CPLX2: variants seen among roughly 807,000 people sequenced by gnomAD.
CPLX2 encodes complexin 2.
A neutral mutation model predicts 16.3 loss-of-function variants in CPLX2; 5 were observed. The observed-to-expected ratio is 0.31, with a 90% CI of 0.16 to 0.64. The LOEUF (loss-of-function observed/expected upper bound fraction) is 0.64, where lower values mean the gene tolerates loss of function less well. Ranked by LOEUF, CPLX2 falls within the 30% of genes least tolerant of loss-of-function variation. The pLI is 0.79. For synonymous variants in CPLX2, 89 were observed against 73.2 expected (o/e 1.22, Z -1.10); for missense variants, 144 against 181.4 (o/e 0.79, Z 1.18).
At chr5:175,810,953 T>C (rs1011540467) in intron 2 of CPLX2, among the ~76,000 whole-genome samples, 1 of 152,230 alleles carries the variant, frequency 6.6e-6, no homozygotes, top group Non-Finnish European at 1.5e-5. Flanking sequence ...GTGTTATAGA[T>C]TCTATTCAAT....
chr5:175,814,632 C>T (rs1315665529), intron 2 of CPLX2, among the ~76,000 whole-genome samples: 1 of 152,098 alleles, frequency 6.6e-6, no homozygotes, highest in Non-Finnish European at 1.5e-5. Flanking sequence ...TGATAGCAAG[C>T]AACAGAGACT....
chr5:175,877,748 C>A (rs1257015453), intron 1 of CPLX2, among the ~76,000 whole-genome samples: 4 of 152,224 alleles, frequency 2.6e-5, no homozygotes, highest in African/African-American at 9.7e-5. Context: ...TCCCCCACCA[C>A]CTCCACTGGA....
intron 1 of CPLX2, among the ~76,000 whole-genome samples, chr5:175,799,283 C>T (rs1038398321): frequency 3.3e-5 from 5 of 151,986 alleles, no homozygotes; most frequent in Non-Finnish European, 5.9e-5. Flanking sequence ...ATTTGGAAAT[C>T]ATCAAGCCCA....
chr5:175,870,310 TG>T (rs978322076), upstream of CPLX2, among the ~76,000 whole-genome samples: 4 of 152,028 alleles, frequency 2.6e-5, no homozygotes, highest in South Asian at 2.1e-4. Flanking sequence ...CTCTGACTGG[TG>T]GGGGGGTCTC....
At chr5:175,804,592 C>T (rs1378861492) in intron 1 of CPLX2, among the ~76,000 whole-genome samples, 2 of 152,180 alleles carry the variant, frequency 1.3e-5, no homozygotes, top group Non-Finnish European at 2.9e-5. Context: ...CCTGGCTACT[C>T]AATGTGTGGT....
chr5:175,840,232 TTAA>T (rs1581086245), intron 2 of CPLX2, among the ~76,000 whole-genome samples: 1 of 152,300 alleles, frequency 6.6e-6, no homozygotes, highest in Non-Finnish European at 1.5e-5. Flanking sequence ...ACAGAAATGC[TTAA>T]TAATCACTAA....
upstream of CPLX2, among the ~76,000 whole-genome samples, chr5:175,868,278 C>T (rs887505158): frequency 4.6e-5 from 7 of 152,190 alleles, no homozygotes; most frequent in Admixed American, 2.6e-4. Flanking sequence ...AGGCACCTTA[C>T]GCAAGCTCTC....
In CPLX2 at chr5:175,881,036, G is replaced by A. The variant is rs1355139178; in HGVS notation, c.*991G>A. The A allele has an allele frequency of 1.3e-5, 2 of 152,936 alleles. No individual in the cohort carries two copies. The highest frequency in any genetic ancestry group is 2.9e-5 in the Non-Finnish European group (2 of 68,106). 9.5% of individuals were successfully genotyped at this position (152,936 alleles called of 1,614,324 possible). A position where few individuals can be genotyped will look rare whatever the true frequency, so the allele number is the denominator to read the frequency against. ...AGAAGCCAATTCCCACTTGACAGAA[G>A]GCGTCCATCCATTCATCTCATTGGC... On this transcript the variant is annotated 3_prime_UTR_variant, in exon 4 of 4. Coordinates refer to ENST00000393745, the MANE Select transcript of CPLX2 (RefSeq NM_001008220.2).
intron 2 of CPLX2, among the ~76,000 whole-genome samples, chr5:175,810,352 T>C (rs1758291344): frequency 6.6e-6 from 1 of 152,206 alleles, no homozygotes; most frequent in Non-Finnish European, 1.5e-5. Context: ...GGCTGCTGTC[T>C]GGGGTTTCCA....
intron 2 of CPLX2, among the ~76,000 whole-genome samples, chr5:175,827,221 G>A (rs1317949627): frequency 3.3e-5 from 5 of 152,220 alleles, no homozygotes; most frequent in African/African-American, 4.8e-5. Context: ...CCGTGGTCAT[G>A]TGCCCTCTAT....
At chr5:175,833,761 G>A (rs1377215476) in intron 2 of CPLX2, among the ~76,000 whole-genome samples, 1 of 152,152 alleles carries the variant, frequency 6.6e-6, no homozygotes, top group Non-Finnish European at 1.5e-5. Context: ...CCAGACGGAG[G>A]GGACTCTCTC....
At chr5:175,798,928 A>G (rs542111859) in intron 1 of CPLX2, among the ~76,000 whole-genome samples, 1 of 152,356 alleles carries the variant, frequency 6.6e-6, no homozygotes, top group East Asian at 1.9e-4. Flanking sequence ...AACTTCTGCC[A>G]TGCAGATACT....
At chr5:175,840,943 T>G (rs1448320520) in intron 2 of CPLX2, among the ~76,000 whole-genome samples, 2 of 152,150 alleles carry the variant, frequency 1.3e-5, no homozygotes, top group Non-Finnish European at 1.5e-5. Context: ...AGCCTGACTA[T>G]CCTCATCTCA....
At chr5:175,834,115 G>A (rs1197184888) in intron 2 of CPLX2, among the ~76,000 whole-genome samples, 1 of 152,168 alleles carries the variant, frequency 6.6e-6, no homozygotes, top group Admixed American at 6.5e-5. Flanking sequence ...TTGAAGTCAG[G>A]AAGGCCTGCC....
In CPLX2 at chr5:175,854,636, G is replaced by GT. The variant is rs200507840; in HGVS notation, c.-88-24016_-88-24015insT. On this transcript the variant is annotated intron_variant, in intron 2 of 4. Coordinates refer to the CPLX2 transcript ENST00000359546. ...TTATTAGCACTACTCAAGGCATGCGGGGTCAGAGACACTGCCCCATCTTCA... is the reference window on the plus strand; with the variant it reads ...TTATTAGCACTACTCAAGGCATGCGGTGGTCAGAGACACTGCCCCATCTTCA... 9.5e-3 allele frequency among the ~76,000 whole-genome samples: 1,449 copies of GT among 152,204 alleles called. 22 individuals are homozygous for GT. The highest frequency in any genetic ancestry group is 0.034 in the African/African-American group (1,402 of 41,498).
chr5:175,859,758 G>C (rs1387320547), intron 2 of CPLX2, among the ~76,000 whole-genome samples: 5 of 152,190 alleles, frequency 3.3e-5, no homozygotes, highest in Admixed American at 6.5e-5. Flanking sequence ...CGTGACCATG[G>C]GGACCAGCTT....
At chr5:175,854,102 C>T (rs1427531227) in intron 2 of CPLX2, among the ~76,000 whole-genome samples, 1 of 152,202 alleles carries the variant, frequency 6.6e-6, no homozygotes, top group Non-Finnish European at 1.5e-5. Flanking sequence ...CCAGGTTCTC[C>T]AGCTTCATGC....
Position 175,849,856 on chromosome 5 carries a change from C to A in CPLX2, c.-88-28796C>A, listed in dbSNP as rs4867807. Among the ~76,000 whole-genome samples, 115,326 of 152,178 alleles carry A rather than the reference C, an allele frequency of 0.76. 44,228 individuals carry two copies. The highest frequency in any genetic ancestry group is 0.96 in the East Asian group (4,948 of 5,152). On this transcript the variant is annotated intron_variant, in intron 2 of 4. Transcript: ENST00000359546. The surrounding 1 kb of genome is among the most constrained non-coding windows in gnomAD (Gnocchi z 4.4). ...CATGTGGCCTCTCACCAGGTGGGCT[C>A]TCAGCAAACATGAGTCCCTTCCTCA...
intron 2 of CPLX2, among the ~76,000 whole-genome samples, chr5:175,861,447 T>C (rs1759369608): frequency 6.6e-6 from 1 of 151,962 alleles, no homozygotes; most frequent in Non-Finnish European, 1.5e-5. Flanking sequence ...CCCTAGTAGG[T>C]TTGGACCCGA....
Sources: allele counts gnomAD v4.1 joint callset (sites outside exome capture counted in the v4.1 genomes callset), GRCh38; gene constraint gnomAD v4.1.1; non-coding constraint Gnocchi (gnomAD v3.1); transcripts MANE v1.5; gene names NCBI Gene and HGNC (gene_info 2026-07-23, HGNC 2026-07-21).